The following CHD9 variants were observed in gnomAD, a reference collection of about 807,000 sequenced individuals.
The protein encoded by CHD9 is ATP-dependent chromatin remodeler CHD9.
CHD9 carries 77 observed loss-of-function variants against 316.1 expected under a neutral mutation model. The observed-to-expected ratio is 0.24, with a 90% CI of 0.20 to 0.29. The LOEUF is 0.29. Among genes scored for constraint, CHD9 ranks in the 10% least tolerant of loss-of-function variants. The pLI is 1.00. For missense variants in CHD9, 2,763 were observed against 3,438.1 expected (o/e 0.80, Z 4.91); for synonymous variants, 1,129 against 1,158.3 (o/e 0.97, Z 0.51).
intron 1 of CHD9, among the ~76,000 whole-genome samples, chr16:53,098,277 AC>A (rs2036546165): frequency 6.6e-6 from 1 of 151,226 alleles, no homozygotes; most frequent in Non-Finnish European, 1.5e-5. Flanking sequence ...GGAGTTCAAG[AC>A]CAGCCTGGCC....
chr16:53,201,434 T>C (rs2045445926), intron 2 of CHD9, among the ~76,000 whole-genome samples: 1 of 152,192 alleles, frequency 6.6e-6, no homozygotes, highest in African/African-American at 2.4e-5. Context: ...CTGTTCTCTC[T>C]ATATAATCAT....
rs1218154884 is a variant in CHD9 at position 53,056,238 on chromosome 16, T to C, written c.-165+1161T>C. 4.6e-5 allele frequency among the ~76,000 whole-genome samples: 7 copies of C among 152,282 alleles called. No homozygotes were observed. In the South Asian group the frequency reaches 6.2e-4, roughly 14 times the overall value. On this transcript the variant is annotated intron_variant, in intron 1 of 38. Coordinates refer to ENST00000447540, the MANE Select transcript of CHD9 (RefSeq NM_001308319.2). ...GCAGTGTTACTAACATGGGCATAGA[T>C]TCCCCCCCATAGGCAGCCCTTCCTT...
chr16:53,107,668 C>T (rs1331012418), intron 1 of CHD9, among the ~76,000 whole-genome samples: 5 of 151,216 alleles, frequency 3.3e-5, no homozygotes, highest in East Asian at 1.9e-4. Context: ...GACGACACAG[C>T]GAGACCCCAT....
At chr16:53,213,830 G>C (rs755926368) in intron 3 of CHD9, among the ~76,000 whole-genome samples, 3 of 152,014 alleles carry the variant, frequency 2.0e-5, no homozygotes, top group Non-Finnish European at 4.4e-5. Context: ...AATGCTTTTG[G>C]TTACTTAAAA....
chr16:53,247,125 G>A (rs1391041572), intron 15 of CHD9, among the ~76,000 whole-genome samples, 168 bp from the exon 16 acceptor site: 1 of 152,210 alleles, frequency 6.6e-6, no homozygotes, highest in Non-Finnish European at 1.5e-5. Context: ...TCTGGTATTG[G>A]TGGAGGTTCA....
At chr16:53,061,560 G>C (rs1277735812) in intron 1 of CHD9, among the ~76,000 whole-genome samples, 1 of 152,160 alleles carries the variant, frequency 6.6e-6, no homozygotes, top group African/African-American at 2.4e-5. Flanking sequence ...CAATAAAAAA[G>C]GTGTTGATGA....
chr16:53,132,100 T>C (rs1284743343), intron 1 of CHD9, among the ~76,000 whole-genome samples: 1 of 139,208 alleles, frequency 7.2e-6, no homozygotes, highest in Non-Finnish European at 1.6e-5. Context: ...AAAAAAAATT[T>C]TTTTTGGGGG....
chr16:53,265,985 T>G (rs1404735408), intron 20 of CHD9, among the ~76,000 whole-genome samples: 2 of 151,594 alleles, frequency 1.3e-5, no homozygotes, highest in Non-Finnish European at 2.9e-5. Flanking sequence ...TGTTTTTTTT[T>G]TTAAGGAAAC....
chr16:53,172,562 A>G (rs1370983538), intron 2 of CHD9, among the ~76,000 whole-genome samples: 5 of 152,122 alleles, frequency 3.3e-5, no homozygotes, highest in Non-Finnish European at 7.4e-5. Flanking sequence ...TTTAATAGGT[A>G]TATATTTAAC....
At chr16:53,140,416 C>CAA (rs544725340) in intron 1 of CHD9, among the ~76,000 whole-genome samples, 8,589 of 99,170 alleles carry the variant, frequency 0.087, 619 homozygotes, top group African/African-American at 0.2. Context: ...AACTCTGTCT[C>CAA]AAAAAAAAAA....
intron 1 of CHD9, among the ~76,000 whole-genome samples, chr16:53,145,830 G>T (rs1415500315): frequency 6.6e-6 from 1 of 151,878 alleles, no homozygotes; most frequent in Non-Finnish European, 1.5e-5. Context: ...TCATCTTCAT[G>T]AAAAAACAAT....
At chr16:53,279,816 A>G (rs2153029914) in intron 24 of CHD9, among the ~76,000 whole-genome samples, 1 of 152,170 alleles carries the variant, frequency 6.6e-6, no homozygotes, top group Admixed American at 6.5e-5. Flanking sequence ...TACACAACAA[A>G]CTCAAATTAG....
At chr16:53,069,382 T>C (rs2033809192) in intron 1 of CHD9, among the ~76,000 whole-genome samples, 1 of 152,158 alleles carries the variant, frequency 6.6e-6, no homozygotes, top group Non-Finnish European at 1.5e-5. Flanking sequence ...CCAGAACTCT[T>C]TTTCATCTTC....
chr16:53,065,736 C>G (rs191158306), intron 1 of CHD9, among the ~76,000 whole-genome samples: 38 of 150,618 alleles, frequency 2.5e-4, no homozygotes, highest in African/African-American at 9.0e-4. Flanking sequence ...AGAGTTTCCA[C>G]TACTCTGGAC....
intron 2 of CHD9, chr16:53,208,366 G>C (rs1339979648): frequency 2.3e-6 from 3 of 1,278,932 alleles, no homozygotes; most frequent in Admixed American, 4.8e-5. Context: ...AAGCCTGAAT[G>C]AGTGGGAGGA....
intron 2 of CHD9, among the ~76,000 whole-genome samples, chr16:53,177,056 AG>A (rs1342105469): frequency 1.3e-5 from 2 of 152,158 alleles, no homozygotes; most frequent in African/African-American, 2.4e-5. Context: ...CCCAGGTTCC[AG>A]TGATTCTCCT....
At chr16:53,137,790 A>G (rs2039830518) in intron 1 of CHD9, among the ~76,000 whole-genome samples, 1 of 152,276 alleles carries the variant, frequency 6.6e-6, no homozygotes, top group South Asian at 2.1e-4. Context: ...ACCCAGTTTT[A>G]TGTTCTTGAA....
intron 30 of CHD9, chr16:53,298,920 G>T: frequency 6.3e-6 from 1 of 157,990 alleles, no homozygotes. Flanking sequence ...ACTGGGTTCT[G>T]CCTACAGCCA....
chr16:53,206,292 T>C (rs1331508500), intron 2 of CHD9, among the ~76,000 whole-genome samples: 1 of 151,696 alleles, frequency 6.6e-6, no homozygotes, highest in Non-Finnish European at 1.5e-5. Context: ...AAGTGCTGGC[T>C]CTTCCTGCTC....
Sources: allele counts gnomAD v4.1 joint callset (sites outside exome capture counted in the v4.1 genomes callset), GRCh38; gene constraint gnomAD v4.1.1; transcripts MANE v1.5; gene names NCBI Gene and HGNC (gene_info 2026-07-23, HGNC 2026-07-21).